The following RAP2C variants were observed in gnomAD, a reference collection of about 807,000 sequenced individuals.
RAP2C encodes the protein ras-related protein Rap-2c.
RAP2C carries 3 observed loss-of-function variants against 8.9 expected under a neutral mutation model. The observed-to-expected ratio is 0.34, with a 90% CI of 0.15 to 0.87. The LOEUF is 0.87. RAP2C is among the 40% of genes least tolerant of loss of function. The pLI is 0.51. For synonymous variants in RAP2C, 60 were observed against 52.1 expected (o/e 1.15, Z -0.65); for missense variants, 76 against 133.7 (o/e 0.57, Z 2.13).
chrX:132,213,944 C>T (rs1453943133), intron 5 of RAP2C, among the ~76,000 whole-genome samples, 190 bp downstream of exon 5: 1 of 112,129 alleles, frequency 8.9e-6, no homozygotes, highest in Non-Finnish European at 1.9e-5. Flanking sequence ...TTCTTATCTC[C>T]GCTTTGCTTA....
In RAP2C at chrX:132,203,506, TGAGAGAGAGAGAGAGAGAGAGAGAGA is replaced by T. The variant is rs10617253; in HGVS notation, c.*2090_*2115del. ...TCAATGACAATGAACACTGTAATTT[TGAGAGAGAGAGAGAGAGAGAGAGAGA>T]GAGAGAGAGAGAGAGAGAGAGAGAG... On this transcript the variant is annotated 3_prime_UTR_variant, in exon 6 of 6. Transcript: ENST00000370874. 29 of 60,340 alleles carry T rather than the reference TGAGAGAGAGAGAGAGAGAGAGAGAGA, an allele frequency of 4.8e-4. No individual in the cohort carries two copies. Among genetic ancestry groups the T allele is most frequent in the South Asian group, 1.3e-3 (1 of 799 alleles). The allele number at this position is 60,340 out of a possible 1,213,427, so 5.0% of individuals were successfully genotyped here. A position where few individuals can be genotyped will look rare whatever the true frequency, so the allele number is the denominator to read the frequency against.
In RAP2C at chrX:132,214,910, G is replaced by GA. The variant is rs998563478; in HGVS notation, c.274-465dup. Among the ~76,000 whole-genome samples, 21 of 110,080 alleles carry GA rather than the reference G, an allele frequency of 1.9e-4. No homozygotes were observed. The East Asian group carries it at 5.5e-3, about 29-fold the overall frequency. ...GCTTGAGTGAAAGTGTTTTAAGTGG[G>GA]AAAAAAAACCACTTTGTAATGCCTA... On this transcript the variant is annotated intron_variant, in intron 4 of 5. Transcript: ENST00000370874.
chrX:132,217,893 C>T (rs1930684655), intron 3 of RAP2C, 23 bp downstream of exon 3: 1 of 112,005 alleles, frequency 8.9e-6, no homozygotes, highest in East Asian at 2.9e-4. Context: ...AACTCCCACC[C>T]GGATCAAGCT....
chrX:132,210,565 TA>T (rs1930400929), intron 5 of RAP2C, among the ~76,000 whole-genome samples: 1 of 111,734 alleles, frequency 8.9e-6, no homozygotes, highest in African/African-American at 3.3e-5. Flanking sequence ...CTGACATAAA[TA>T]ATGATCTTTG....
At chrX:132,215,821 T>A (rs1302888916) in intron 4 of RAP2C, among the ~76,000 whole-genome samples, 1 of 111,563 alleles carries the variant, frequency 9.0e-6, no homozygotes, top group Non-Finnish European at 1.9e-5. Context: ...TGGGAATTTA[T>A]GCCTACATAA....
intron 5 of RAP2C, among the ~76,000 whole-genome samples, chrX:132,211,263 A>G (rs1930422444): frequency 9.0e-6 from 1 of 111,656 alleles, no homozygotes; most frequent in Non-Finnish European, 1.9e-5. Context: ...GAACTCCCAC[A>G]GGACAGTGAT....
chrX:132,209,048 C>A (rs1163033696), intron 5 of RAP2C, among the ~76,000 whole-genome samples: 1 of 111,303 alleles, frequency 9.0e-6, no homozygotes, highest in Admixed American at 9.6e-5. Context: ...GTGCATAATA[C>A]TCATGAAGCT....
At chrX:132,213,114 AC>A (rs1470298706) in intron 5 of RAP2C, among the ~76,000 whole-genome samples, 1 of 111,842 alleles carries the variant, frequency 8.9e-6, no homozygotes, top group African/African-American at 3.2e-5. Flanking sequence ...CATTTGCAAC[AC>A]TGCCTCCTAG....
At chrX:132,215,396 G>T (rs1930549981) in intron 4 of RAP2C, among the ~76,000 whole-genome samples, 1 of 111,067 alleles carries the variant, frequency 9.0e-6, no homozygotes, top group Non-Finnish European at 1.9e-5. Context: ...TTCACATGTG[G>T]GCCTACGGAA....
At position 132,217,089 on chromosome X, in the gene RAP2C, T is replaced by A; in HGVS notation, c.180A>T (p.Gly60=). 1 of 1,201,077 alleles carries A rather than the reference T, an allele frequency of 8.3e-7. No individual in the cohort carries two copies. The highest frequency in any genetic ancestry group is 1.1e-6 in the Non-Finnish European group (1 of 889,932). ...CTCTCATGGAGGCAAACTGCTCAGT[T>A]CCTGCGGTGTCCAGAATTTCCAGCA... ...PSVLEILDTA[G]TEQFASMRDL... Residue 60 remains glycine (G), a synonymous_variant, in exon 4 of 6, where the codon GGA becomes GGT. Coordinates refer to ENST00000370874, the MANE Select transcript of RAP2C (RefSeq NM_001271186.2).
rs755743519 is a variant in RAP2C at position 132,208,478 on chromosome X, T to C, written c.*35-2891A>G. The stretch of plus-strand genomic sequence containing the variant: ...TAGCATTTTATTTACAAGTTAAAAG[T>C]TAGTTGTATTAGCAAAACATCAGGC... On this transcript the variant is annotated intron_variant, in intron 5 of 5. Coordinates refer to ENST00000370874, the MANE Select transcript of RAP2C (RefSeq NM_001271186.2). 1.3e-4 allele frequency among the ~76,000 whole-genome samples: 14 copies of C among 110,968 alleles called. No individual in the cohort carries two copies. The East Asian group carries it at 3.9e-3, about 31-fold the overall frequency.
rs1487453064 is a variant in RAP2C at position 132,217,449 on chromosome X, G to A, written c.-181C>T. On this transcript the variant is annotated 5_prime_UTR_variant, in exon 4 of 6. Coordinates refer to ENST00000370874, the MANE Select transcript of RAP2C (RefSeq NM_001271186.2). ...CAGGAGGGGGAGGGGAAAGAGCGTA[G>A]AGTCGGGGAGGGTGGGGAAGGGATG... 2.5e-5 allele frequency: 7 copies of A among 274,814 alleles called. No homozygotes were observed. The East Asian group carries it at 3.9e-4, about 15-fold the overall frequency. 22.6% of individuals were successfully genotyped at this position (274,814 alleles called of 1,213,427 possible). A position where few individuals can be genotyped will look rare whatever the true frequency, so the allele number is the denominator to read the frequency against.
At chrX:132,218,553 A>C (rs1420581399) in intron 1 of RAP2C, 1 of 111,867 alleles carries the variant, frequency 8.9e-6, no homozygotes, top group Non-Finnish European at 1.9e-5. Context: ...CAAACAGCCC[A>C]GAAAGTTTAT....
At position 132,205,409 on chromosome X, in the gene RAP2C, A is replaced by C. The variant is rs915289976; in HGVS notation, c.*213T>G. 5.3e-5 allele frequency: 6 copies of C among 112,283 alleles called. No individual in the cohort carries two copies. The allele number at this position is 112,283 out of a possible 1,213,427, so 9.3% of individuals were successfully genotyped here. ...AAAGAATGGATTTTAAACGTATGGT[A>C]AACGTGCTAAGCATTCCTGTTTAAG... On this transcript the variant is annotated 3_prime_UTR_variant, in exon 6 of 6. Transcript: ENST00000370874.
chrX:132,208,594 GTAA>G (rs1930339309), intron 5 of RAP2C, among the ~76,000 whole-genome samples: 1 of 108,486 alleles, frequency 9.2e-6, no homozygotes, highest in South Asian at 3.9e-4. Context: ...AATTATTTTA[GTAA>G]TAATTTTAAT....
chrX:132,218,748 G>A, intron 1 of RAP2C: 1 of 111,551 alleles, frequency 9.0e-6, no homozygotes, highest in East Asian at 2.8e-4. Context: ...AAAATCACAA[G>A]GCTCGAAAAC....
At chrX:132,209,582 A>C (rs189907390) in intron 5 of RAP2C, among the ~76,000 whole-genome samples, 50 of 112,231 alleles carry the variant, frequency 4.5e-4, no homozygotes, top group Non-Finnish European at 7.9e-4. Flanking sequence ...AAGTAATCCC[A>C]TGGGGAGAAT....
intron 5 of RAP2C, among the ~76,000 whole-genome samples, chrX:132,208,607 T>G (rs1364673266): frequency 9.1e-6 from 1 of 109,442 alleles, no homozygotes; most frequent in African/African-American, 3.3e-5. Flanking sequence ...ATAATTTTAA[T>G]AAAACATTAA....
intron 2 of RAP2C, 51 bp from the exon 3 acceptor site, chrX:132,218,063 C>G (rs1930697694): frequency 9.2e-6 from 1 of 108,394 alleles, no homozygotes; most frequent in South Asian, 4.2e-4. Context: ...GCCGCAGGGA[C>G]TCCAGGCGAA....
Sources: gnomAD v4.1 joint callset for allele counts (sites outside exome capture counted in the v4.1 genomes callset) on GRCh38, gnomAD v4.1.1 for gene constraint, MANE v1.5 for transcripts, NCBI Gene and HGNC (gene_info 2026-07-23, HGNC 2026-07-21) for gene names.